VEZF1: variants seen among roughly 807,000 people sequenced by gnomAD.
VEZF1 encodes the protein vascular endothelial zinc finger 1, also known as putative transcription factor DB1.
A neutral mutation model predicts 44.1 loss-of-function variants in VEZF1; 5 were observed. That is an observed-to-expected ratio of 0.11 (90% CI 0.06 to 0.24). The LOEUF (loss-of-function observed/expected upper bound fraction) is 0.24. Among genes scored for constraint, VEZF1 ranks in the 10% least tolerant of loss-of-function variants. The probability of loss-of-function intolerance (pLI) is 1.00; values close to 1 mark genes in which losing one functional copy is unlikely to be tolerated. For synonymous variants in VEZF1, 236 were observed against 233.1 expected, an observed-to-expected ratio of 1.01 and a Z score of -0.11; for missense variants, 358 against 641.8, an observed-to-expected ratio of 0.56 and a Z score of 4.78.
At chr17:57,975,645 CTT>C (rs1358485487) in intron 5 of VEZF1, among the ~76,000 whole-genome samples, 1 of 152,206 alleles carries the variant, frequency 6.6e-6, no homozygotes, top group Non-Finnish European at 1.5e-5. Context: ...CCCATTTCTT[CTT>C]GTTTCTGATG....
intron 5 of VEZF1, among the ~76,000 whole-genome samples, chr17:57,976,798 C>A (rs942209154): frequency 1.3e-5 from 2 of 151,926 alleles, no homozygotes; most frequent in Admixed American, 6.6e-5. Flanking sequence ...AAATACAATA[C>A]CAAATAGAGG....
chr17:57,980,643 T>C lies in VEZF1; in HGVS notation c.936A>G (p.Gln312=). The change falls in exon 4 of 6, where the codon CAA becomes CAG. Residue 312 remains glutamine, a synonymous_variant. Coordinates refer to ENST00000581208, the MANE Select transcript of VEZF1 (RefSeq NM_007146.3). ...GTTTACATGTATTACAGTTGATACT[T>C]TGGCTCTGCCCATGAGTCTTTAAGT... ...TSHLKTHGQS[Q]SINCNTCKQG... 6.2e-7 allele frequency: 1 copy of C among 1,613,556 alleles called. No homozygotes were observed.
rs935693670 is a variant in VEZF1 at position 57,988,188 on chromosome 17, AGCGGCGGCGGCG to A, written c.-89_-78del. The A allele has an allele frequency of 3.1e-6, 1 of 324,940 alleles. No homozygotes were observed. Among genetic ancestry groups the A allele is most frequent in the South Asian group, 1.1e-4 (1 of 8,920 alleles). 20.1% of individuals were successfully genotyped at this position (324,940 alleles called of 1,614,324 possible). A position where few individuals can be genotyped will look rare whatever the true frequency, so the allele number is the denominator to read the frequency against. On this transcript the variant is annotated 5_prime_UTR_variant, in exon 1 of 6. Transcript: ENST00000581208. ...CCTCAGCCGGAGGAGGCGACAACAAAGCGGCGGCGGCGGCGGCGGCAACGGCAGCGGCGGCTC... is the reference window on the plus strand; with the variant it reads ...CCTCAGCCGGAGGAGGCGACAACAAAGCGGCGGCAACGGCAGCGGCGGCTC...
At chr17:57,975,958 C>G (rs1298777012) in intron 5 of VEZF1, among the ~76,000 whole-genome samples, 1 of 152,116 alleles carries the variant, frequency 6.6e-6, no homozygotes, top group Non-Finnish European at 1.5e-5. Context: ...GCCATCACGC[C>G]CAGCTAATTT....
At chr17:57,982,087 C>CT (rs1363647783) in intron 2 of VEZF1, 151 bp from the exon 3 acceptor site, 1 of 719,904 alleles carries the variant, frequency 1.4e-6, no homozygotes. Context: ...TGCAAGTCTC[C>CT]TTCCCTCTCT....
At position 57,979,236 on chromosome 17, in the gene VEZF1, G is replaced by GC. The variant is rs1451514668; in HGVS notation, c.1053_1054insG (p.Gln352AlafsTer24). The GC allele has an allele frequency of 6.2e-7, 1 of 1,613,044 alleles. No homozygotes were observed. Among genetic ancestry groups the GC allele is most frequent in the East Asian group, 2.2e-5 (1 of 44,878 alleles). On this transcript the variant is annotated frameshift_variant, in exon 5 of 6. Coordinates refer to ENST00000581208, the MANE Select transcript of VEZF1 (RefSeq NM_007146.3). LOFTEE classifies it high-confidence loss of function. ...GGCCAGCTTGTCACATGTTGTTGTT[G>GC]TTGTTGTTGCTGCTGCTGCTGCTGC...
At chr17:57,982,566 A>G (rs2143356564) in intron 2 of VEZF1, 133 bp downstream of exon 2, 3 of 843,674 alleles carry the variant, frequency 3.6e-6, no homozygotes, top group South Asian at 3.7e-5. Context: ...ATACTTATCT[A>G]TCACCAATCT....
intron 1 of VEZF1, among the ~76,000 whole-genome samples, chr17:57,986,651 C>T (rs2075296360): frequency 6.6e-6 from 1 of 152,158 alleles, no homozygotes; most frequent in African/African-American, 2.4e-5. Flanking sequence ...ACTTAAAGAT[C>T]AAATTGCCCA....
chr17:57,981,588 C>G (rs1406785299), intron 3 of VEZF1, among the ~76,000 whole-genome samples: 2 of 152,026 alleles, frequency 1.3e-5, no homozygotes, highest in Non-Finnish European at 2.9e-5. Context: ...AATACACAAC[C>G]ACCTTTGCAA....
In VEZF1 at chr17:57,974,241, T is replaced by C. The variant is rs1229075941; in HGVS notation, c.*232A>G. On this transcript the variant is annotated 3_prime_UTR_variant, in exon 6 of 6. Coordinates refer to ENST00000581208, the MANE Select transcript of VEZF1 (RefSeq NM_007146.3). ...GCCAACTACTATCCTGTTTAAGCAA[T>C]GTTGTCAGCTAAAAGGAATTTCTGA... 2.2e-5 allele frequency: 12 copies of C among 554,308 alleles called. No homozygotes were observed. The highest frequency in any genetic ancestry group is 3.8e-5 in the African/African-American group (2 of 53,272). 34.3% of individuals were successfully genotyped at this position (554,308 alleles called of 1,614,324 possible).
chr17:57,977,066 T>C (rs1451449575), intron 5 of VEZF1, among the ~76,000 whole-genome samples: 3 of 152,166 alleles, frequency 2.0e-5, no homozygotes, highest in Admixed American at 6.5e-5. Context: ...AGCACTACAC[T>C]TTTTCCTCCC....
chr17:57,982,031 T>C, intron 2 of VEZF1, 95 bp from the exon 3 acceptor site: 1 of 1,355,960 alleles, frequency 7.4e-7, no homozygotes, highest in Middle Eastern at 2.2e-4. Flanking sequence ...TGGGAAGGGG[T>C]GCATTTTAGG....
At chr17:57,987,281 G>C (rs1329740943) in intron 1 of VEZF1, among the ~76,000 whole-genome samples, 1 of 152,110 alleles carries the variant, frequency 6.6e-6, no homozygotes, top group African/African-American at 2.4e-5. Context: ...ACCGCTCCCC[G>C]CCTGCCCCGG....
chr17:57,976,167 C>G (rs1190527286), intron 5 of VEZF1, among the ~76,000 whole-genome samples: 1 of 152,064 alleles, frequency 6.6e-6, no homozygotes, highest in Non-Finnish European at 1.5e-5. Flanking sequence ...CAGAAAACAG[C>G]AGTAAAATGA....
rs2143306345 is a variant in VEZF1, at chr17:57,973,028, G to T, written c.*1445C>A. ...CTCTTAACTGCAATGATTAAAAAAT[G>T]AAAAAAACCAAAAACATATTGCAAC... On this transcript the variant is annotated 3_prime_UTR_variant, in exon 6 of 6. Coordinates refer to ENST00000581208, the MANE Select transcript of VEZF1 (RefSeq NM_007146.3). The T allele has an allele frequency of 6.6e-6, 1 of 151,774 alleles. No individual in the cohort carries two copies. The highest frequency in any genetic ancestry group is 2.1e-4 in the South Asian group (1 of 4,796). The allele number at this position is 151,774 out of a possible 1,614,324, so 9.4% of individuals were successfully genotyped here. A position where few individuals can be genotyped will look rare whatever the true frequency, so the allele number is the denominator to read the frequency against.
rs1411341964 is a variant in VEZF1, at chr17:57,973,677, A to G, written c.*796T>C. On this transcript the variant is annotated 3_prime_UTR_variant, in exon 6 of 6. Transcript: ENST00000581208. ...GTTTATTAGGAGCTTGCCTGTCCAC[A>G]CACTTGACTTCTCCTCTGTCAGTTG... 1 of 152,252 alleles carries G rather than the reference A, an allele frequency of 6.6e-6. No individual in the cohort carries two copies. The highest frequency in any genetic ancestry group is 1.5e-5 in the Non-Finnish European group (1 of 68,036). The allele number at this position is 152,252 out of a possible 1,614,324, so 9.4% of individuals were successfully genotyped here. A position where few individuals can be genotyped will look rare whatever the true frequency, so the allele number is the denominator to read the frequency against.
intron 1 of VEZF1, 46 bp from the exon 2 acceptor site, chr17:57,983,439 G>A (rs988832769): frequency 6.6e-7 from 1 of 1,508,588 alleles, no homozygotes; most frequent in Non-Finnish European, 8.9e-7. Context: ...TCTCACAATG[G>A]CCTTCGAAAT....
rs1305118206 is a variant in VEZF1, at chr17:57,972,878, A to C, written c.*1595T>G. ...ACAGATACCTGTCCCTGATGTAGGAAGTCTGTCTCAGATGCAAGGTATTTT... is the reference window on the plus strand; with the variant it reads ...ACAGATACCTGTCCCTGATGTAGGACGTCTGTCTCAGATGCAAGGTATTTT... On this transcript the variant is annotated 3_prime_UTR_variant, in exon 6 of 6. Transcript: ENST00000581208. The C allele has an allele frequency of 6.6e-6, 1 of 152,650 alleles. No homozygotes were observed. The highest frequency in any genetic ancestry group is 1.5e-5 in the Non-Finnish European group (1 of 68,038). 9.5% of individuals were successfully genotyped at this position (152,650 alleles called of 1,614,324 possible). A position where few individuals can be genotyped will look rare whatever the true frequency, so the allele number is the denominator to read the frequency against.
intron 5 of VEZF1, 149 bp downstream of exon 5, chr17:57,979,003 C>T (rs1159250477): frequency 9.0e-7 from 1 of 1,113,630 alleles, no homozygotes; most frequent in East Asian, 2.4e-5. Flanking sequence ...AATAACTATA[C>T]TTTACCAGAT....
Sources: allele counts gnomAD v4.1 joint callset (sites outside exome capture counted in the v4.1 genomes callset), GRCh38; gene constraint gnomAD v4.1.1; transcripts MANE v1.5; gene names NCBI Gene and HGNC (gene_info 2026-07-23, HGNC 2026-07-21).